PTPRO: variants seen among roughly 807,000 people sequenced by gnomAD.
PTPRO encodes the protein protein tyrosine phosphatase receptor type O.
In PTPRO, 62 loss-of-function variants were observed where a neutral mutation model predicts 145.2. That is an observed-to-expected ratio of 0.43 (90% CI 0.35 to 0.53). The LOEUF (loss-of-function observed/expected upper bound fraction) is 0.53. Ranked by LOEUF, PTPRO falls within the 20% of genes least tolerant of loss-of-function variation. The pLI is 0.01. For synonymous variants in PTPRO, 565 were observed against 514.7 expected (o/e 1.10, Z -1.32); for missense variants, 1,345 against 1,482.7 (o/e 0.91, Z 1.53).
chr12:15,431,545 T>G (rs1940439437), intron 1 of PTPRO, among the ~76,000 whole-genome samples: 1 of 152,228 alleles, frequency 6.6e-6, no homozygotes, highest in African/African-American at 2.4e-5. Flanking sequence ...AGACAGATCT[T>G]GTTATTTTAA....
intron 19 of PTPRO, among the ~76,000 whole-genome samples, chr12:15,574,960 T>C (rs954764938): frequency 2.6e-5 from 4 of 152,172 alleles, no homozygotes; most frequent in Admixed American, 6.5e-5. Context: ...TGAATATCTG[T>C]GGCCCCCCAA....
intron 1 of PTPRO, among the ~76,000 whole-genome samples, chr12:15,392,720 C>CAAAAAAAAAAAAAAAAA (rs1177789187): frequency 2.4e-4 from 16 of 66,660 alleles, no homozygotes; most frequent in Non-Finnish European, 3.8e-4. Context: ...GACCCTGTCT[C>CAAAAAAAAAAAAAAAAA]AAAAAAAAAA....
chr12:15,548,419 A>G (rs995010508), intron 13 of PTPRO, among the ~76,000 whole-genome samples: 15 of 152,176 alleles, frequency 9.9e-5, no homozygotes, highest in Non-Finnish European at 1.6e-4. Flanking sequence ...TCAGCAGTTC[A>G]AAGAATGTGA....
At chr12:15,566,722 TA>T (rs1339423308) in intron 18 of PTPRO, among the ~76,000 whole-genome samples, 2 of 152,052 alleles carry the variant, frequency 1.3e-5, no homozygotes, top group Non-Finnish European at 2.9e-5. Context: ...AATTTCACTA[TA>T]TTGGTCAGAC....
intron 7 of PTPRO, among the ~76,000 whole-genome samples, chr12:15,512,633 TAAATA>T (rs1480804733): frequency 6.6e-6 from 1 of 152,230 alleles, no homozygotes; most frequent in Non-Finnish European, 1.5e-5. Flanking sequence ...GTATTTTAAA[TAAATA>T]AAATAATATT....
chr12:15,513,668 A>G (rs1443932098), intron 7 of PTPRO, among the ~76,000 whole-genome samples: 2 of 152,210 alleles, frequency 1.3e-5, no homozygotes, highest in African/African-American at 4.8e-5. Context: ...ACCTTACAGC[A>G]TAGATAAGCT....
intron 19 of PTPRO, among the ~76,000 whole-genome samples, chr12:15,571,196 G>GAACAAAGAGA (rs1157021165): frequency 2.0e-5 from 3 of 152,154 alleles, no homozygotes; most frequent in East Asian, 3.8e-4. Flanking sequence ...TTGTTTCACT[G>GAACAAAGAGA]AACAAAGAGA....
intron 6 of PTPRO, 48 bp downstream of exon 6, chr12:15,504,117 T>C (rs1942274466): frequency 6.5e-7 from 1 of 1,540,986 alleles, no homozygotes; most frequent in Non-Finnish European, 9.0e-7. Flanking sequence ...GCTAGAACAA[T>C]GGAACTGGTG....
intron 8 of PTPRO, among the ~76,000 whole-genome samples, chr12:15,516,258 A>G (rs1391950722): frequency 6.7e-6 from 1 of 148,926 alleles, no homozygotes; most frequent in East Asian, 2.0e-4. Flanking sequence ...AAGTGCTGGG[A>G]TTACAGGCAT....
intron 1 of PTPRO, among the ~76,000 whole-genome samples, chr12:15,364,154 A>T (rs2136247680): frequency 6.6e-6 from 1 of 152,328 alleles, no homozygotes; most frequent in South Asian, 2.1e-4. Context: ...ATGATGTATA[A>T]AATATTTTGA....
At chr12:15,524,567 C>T (rs1207870562) in intron 10 of PTPRO, among the ~76,000 whole-genome samples, 1 of 152,082 alleles carries the variant, frequency 6.6e-6, no homozygotes, top group Non-Finnish European at 1.5e-5. Flanking sequence ...ACTTTGATAT[C>T]CTCAGGTACA....
rs138750267 is a variant in PTPRO, at chr12:15,440,693, C to A, written c.76-43281C>A. Among the ~76,000 whole-genome samples the A allele has an allele frequency of 2.8e-3, 431 of 152,164 alleles. 2 individuals carry two copies. Among genetic ancestry groups the A allele is most frequent in the Non-Finnish European group, 4.9e-3 (332 of 68,012 alleles). ...CTGGACAACATAGGAAGGCCCCATCCTTTAAATAATAAACAAAAAAGCAGG... is the reference window on the plus strand; with the variant it reads ...CTGGACAACATAGGAAGGCCCCATCATTTAAATAATAAACAAAAAAGCAGG... On this transcript the variant is annotated intron_variant, in intron 1 of 26. Coordinates refer to ENST00000281171, the MANE Select transcript of PTPRO (RefSeq NM_030667.3).
intron 1 of PTPRO, among the ~76,000 whole-genome samples, chr12:15,434,793 T>C (rs1940549958): frequency 6.6e-6 from 1 of 152,186 alleles, no homozygotes. Context: ...TATAGGGATG[T>C]TCAATGAATC....
At chr12:15,392,247 G>A (rs7304584) in intron 1 of PTPRO, among the ~76,000 whole-genome samples, 38,249 of 152,090 alleles carry the variant, frequency 0.25, 5,299 homozygotes, top group African/African-American at 0.37. Context: ...AGGCAAATCC[G>A]TATGAGAAGG....
At chr12:15,550,793 C>T (rs747678637) in intron 14 of PTPRO, among the ~76,000 whole-genome samples, 24 of 152,102 alleles carry the variant, frequency 1.6e-4, no homozygotes, top group Non-Finnish European at 2.9e-4. Flanking sequence ...AGTCCTCAGG[C>T]CCATTTTAAA....
intron 4 of PTPRO, 56 bp from the exon 5 acceptor site, chr12:15,501,564 T>C: frequency 6.8e-7 from 1 of 1,462,134 alleles, no homozygotes; most frequent in Non-Finnish European, 9.6e-7. Context: ...AGAGATTAAG[T>C]ATTCACTCTA....
intron 19 of PTPRO, among the ~76,000 whole-genome samples, chr12:15,575,185 G>C (rs1944152884): frequency 6.6e-6 from 1 of 152,114 alleles, no homozygotes; most frequent in African/African-American, 2.4e-5. Flanking sequence ...AGTAAAACAG[G>C]GTTTTATTCG....
intron 1 of PTPRO, among the ~76,000 whole-genome samples, chr12:15,367,583 A>G (rs1938400520): frequency 1.3e-5 from 2 of 152,218 alleles, no homozygotes; most frequent in Admixed American, 6.5e-5. Flanking sequence ...ATACAACTGT[A>G]TACTTATGTT....
intron 1 of PTPRO, among the ~76,000 whole-genome samples, chr12:15,353,706 C>T (rs1388781860): frequency 1.3e-5 from 2 of 152,128 alleles, no homozygotes; most frequent in Non-Finnish European, 2.9e-5. Flanking sequence ...TGTTCTTTGG[C>T]TATCTGGTAT....
Sources: allele counts gnomAD v4.1 joint callset (sites outside exome capture counted in the v4.1 genomes callset), GRCh38; gene constraint gnomAD v4.1.1; transcripts MANE v1.5; gene names NCBI Gene and HGNC (gene_info 2026-07-23, HGNC 2026-07-21).